KNTC1: variants seen among roughly 807,000 people sequenced by gnomAD.
KNTC1 encodes kinetochore associated 1.
A neutral mutation model predicts 314.4 loss-of-function variants in KNTC1; 253 were observed. That is an observed-to-expected ratio of 0.80 (90% confidence interval 0.73 to 0.89). KNTC1 has a LOEUF of 0.89. Among genes scored for constraint, KNTC1 ranks in the 40% least tolerant of loss-of-function variants. The probability of loss-of-function intolerance (pLI) is 0.00; values close to 1 mark genes in which losing one functional copy is unlikely to be tolerated. For synonymous variants in KNTC1, 901 were observed against 901.4 expected (o/e 1.00, Z 0.01); for missense variants, 2,475 against 2,572.9 (o/e 0.96, Z 0.82).
chr12:122,594,005 C>G (rs1870686468), intron 42 of KNTC1: 1 of 395,216 alleles, frequency 2.5e-6, no homozygotes, highest in African/African-American at 2.0e-5. Context: ...AATTCTTCTG[C>G]AGTAATGGAA....
intron 53 of KNTC1, chr12:122,611,137 A>C: frequency 2.0e-6 from 1 of 491,548 alleles, no homozygotes; most frequent in South Asian, 2.5e-5. Flanking sequence ...GACAGTTTCC[A>C]CTGGCTGTCT....
chr12:122,571,700 C>T (rs1964698457), intron 24 of KNTC1, among the ~76,000 whole-genome samples: 1 of 151,826 alleles, frequency 6.6e-6, no homozygotes, highest in African/African-American at 2.4e-5. Context: ...GATGGAGTCT[C>T]ACCCTGTTGC....
chr12:122,568,296 A>G lies in KNTC1; in HGVS notation c.1640A>G (p.Asp547Gly). ...SSWIEFLNNE[D>G]DLKDIFLQLK... is the part of the protein sequence containing the mutation. The stretch of plus-strand genomic sequence containing the variant: ...TGGATTGAATTTCTAAATAATGAAG[A>G]TGATCTTAAAGATATTTTTTTACAG... The change falls in exon 21 of 64, where the codon GAT becomes GGT. Residue 547 changes from aspartate to glycine, a missense_variant. Transcript: ENST00000333479. 6.3e-7 allele frequency: 1 copy of G among 1,582,936 alleles called. No individual in the cohort carries two copies. Among genetic ancestry groups the G allele is most frequent in the Non-Finnish European group, 8.7e-7 (1 of 1,153,530 alleles).
chr12:122,590,536 C>T, intron 40 of KNTC1, 71 bp from the exon 41 acceptor site: 2 of 1,377,836 alleles, frequency 1.5e-6, no homozygotes, highest in Non-Finnish European at 2.0e-6. Context: ...TGTATTTCTG[C>T]CCTTTGTGAA....
intron 40 of KNTC1, 33 bp downstream of exon 40, chr12:122,588,849 GT>G (rs751678680): frequency 2.7e-3 from 3,265 of 1,211,228 alleles, no homozygotes; most frequent in South Asian, 5.7e-3. Context: ...AATTTTGTTT[GT>G]TTTTTTTTTG....
intron 22 of KNTC1, 136 bp downstream of exon 22, chr12:122,569,960 T>A: frequency 2.9e-6 from 2 of 692,168 alleles, no homozygotes; most frequent in Non-Finnish European, 4.7e-6. Context: ...AAGTGTCTCT[T>A]AAAAGACAAC....
chr12:122,599,615 T>C (rs924830269), intron 44 of KNTC1, among the ~76,000 whole-genome samples: 1 of 152,112 alleles, frequency 6.6e-6, no homozygotes, highest in Non-Finnish European at 1.5e-5. Flanking sequence ...CCTCCCAAAG[T>C]GCTGGAATTA....
intron 10 of KNTC1, 96 bp downstream of exon 10, chr12:122,546,770 A>G: frequency 1.4e-6 from 1 of 737,552 alleles, no homozygotes. Context: ...TAGGGTGGAT[A>G]ACTATCTTGT....
intron 6 of KNTC1, among the ~76,000 whole-genome samples, chr12:122,543,309 G>A (rs1367992909): frequency 6.6e-6 from 1 of 152,214 alleles, no homozygotes; most frequent in African/African-American, 2.4e-5. Context: ...TCATGATGGA[G>A]CTAGAAACGT....
At position 122,527,279 on chromosome 12, in the gene KNTC1, C is replaced by T. The variant is rs1225776235; in HGVS notation, c.-146C>T. ...AAGCCTGTGGCATGGAACCTAAAGA[C>T]TAGAGGCGGTTGTGTGAGTCAGGAA... On this transcript the variant is annotated 5_prime_UTR_variant, in exon 1 of 64. Coordinates refer to ENST00000333479, the MANE Select transcript of KNTC1 (RefSeq NM_014708.6). 3 of 225,108 alleles carry T rather than the reference C, an allele frequency of 1.3e-5. No homozygotes were observed. The highest frequency in any genetic ancestry group is 1.2e-4 in the East Asian group (1 of 8,138). 13.9% of individuals were successfully genotyped at this position (225,108 alleles called of 1,614,324 possible).
chr12:122,613,930 TC>T (rs1209521468), intron 55 of KNTC1, among the ~76,000 whole-genome samples, 169 bp downstream of exon 55: 3 of 152,040 alleles, frequency 2.0e-5, no homozygotes, highest in African/African-American at 7.2e-5. Flanking sequence ...AACCTCCATC[TC>T]CCGGGTTCAA....
intron 62 of KNTC1, 123 bp downstream of exon 62, chr12:122,622,730 C>T (rs2138199769): frequency 2.7e-6 from 2 of 737,356 alleles, no homozygotes; most frequent in Middle Eastern, 4.0e-4. Context: ...GGGTGGATCA[C>T]CTGAGGTTGA....
Position 122,573,003 on chromosome 12 carries a change from A to C in KNTC1, c.2086A>C (p.Ile696Leu), listed in dbSNP as rs1964795413. The change falls in exon 25 of 64, where the codon ATC becomes CTC. Residue 696 changes from isoleucine (I) to leucine (L), a missense_variant. By Grantham distance (5) the Ile-to-Leu change is conservative. Coordinates refer to ENST00000333479, the MANE Select transcript of KNTC1 (RefSeq NM_014708.6). ...RTLVNNLREL[I>L]TLHRKYNCKL... is the part of the protein sequence containing the mutation. ...TTTGGTAAATAACTTGCGAGAGTTG[A>C]TCACGTTGCATAGGAAGTACAACTG... 3 of 1,610,422 alleles carry C rather than the reference A, an allele frequency of 1.9e-6. No individual in the cohort carries two copies. The highest frequency in any genetic ancestry group is 2.5e-6 in the Non-Finnish European group (3 of 1,177,876).
chr12:122,549,989 A>T, intron 13 of KNTC1, 125 bp downstream of exon 13: 1 of 571,612 alleles, frequency 1.7e-6, no homozygotes, highest in Non-Finnish European at 3.1e-6. Context: ...GGAAACCTGG[A>T]TAAATTTCAG....
At chr12:122,606,749 A>G (rs1217186165) in intron 51 of KNTC1, among the ~76,000 whole-genome samples, 1 of 151,922 alleles carries the variant, frequency 6.6e-6, no homozygotes, top group African/African-American at 2.4e-5. Context: ...ACATTTTGCC[A>G]TATTTGCTTC....
chr12:122,586,632 G>A, intron 37 of KNTC1, 69 bp from the exon 38 acceptor site: 1 of 567,548 alleles, frequency 1.8e-6, no homozygotes, highest in Non-Finnish European at 2.9e-6. Context: ...ATATTGCATA[G>A]TGATGAAGTC....
At chr12:122,594,241 GT>G in intron 42 of KNTC1, 34 bp from the exon 43 acceptor site, 3 of 1,223,174 alleles carry the variant, frequency 2.5e-6, no homozygotes, top group Non-Finnish European at 3.6e-6. Context: ...AGTGTAGAGG[GT>G]TTTTTTGCTT....
At chr12:122,547,831 A>C in intron 11 of KNTC1, 84 bp from the exon 12 acceptor site, 1 of 789,646 alleles carries the variant, frequency 1.3e-6, no homozygotes, top group East Asian at 2.9e-5. Context: ...GGCAAAGCCT[A>C]CTTTTTTAAT....
At chr12:122,598,157 C>T (rs1475189444) in intron 44 of KNTC1, among the ~76,000 whole-genome samples, 1 of 152,114 alleles carries the variant, frequency 6.6e-6, no homozygotes, top group Admixed American at 6.5e-5. Context: ...GAAAACCTTA[C>T]ACATTCTTTG....
Sources: allele counts gnomAD v4.1 joint callset (sites outside exome capture counted in the v4.1 genomes callset), GRCh38; gene constraint gnomAD v4.1.1; transcripts MANE v1.5; gene names NCBI Gene and HGNC (gene_info 2026-07-23, HGNC 2026-07-21).